The following AMPH variants were observed in gnomAD, a reference collection of about 807,000 sequenced individuals.
The protein encoded by AMPH is amphiphysin (Stiff-Mann syndrome with breast cancer 128kD autoantigen).
In AMPH, 49 loss-of-function variants were observed where a neutral mutation model predicts 99.1. That is an observed-to-expected ratio of 0.49 (90% CI 0.39 to 0.63). The LOEUF (loss-of-function observed/expected upper bound fraction) is 0.63. AMPH is among the 20% of genes least tolerant of loss of function. The pLI, the probability that AMPH is intolerant of heterozygous loss-of-function variation, is 0.00. For missense variants in AMPH, 759 were observed against 863.4 expected (o/e 0.88, Z 1.52); for synonymous variants, 314 against 317.3 (o/e 0.99, Z 0.11).
intron 1 of AMPH, among the ~76,000 whole-genome samples, chr7:38,596,739 C>A (rs886711285): frequency 6.6e-6 from 1 of 152,170 alleles, no homozygotes; most frequent in Non-Finnish European, 1.5e-5. Context: ...ATACCTCTTG[C>A]CCACTCCCAC....
chr7:38,527,819 A>G lies in AMPH; in HGVS notation c.150+7112T>C, dbSNP rs978961236. Among the ~76,000 whole-genome samples the G allele has an allele frequency of 5.9e-5, 9 of 152,260 alleles. No homozygotes were observed. In the East Asian group the frequency reaches 1.7e-3, roughly 29 times the overall value. On this transcript the variant is annotated intron_variant, in intron 2 of 20. Coordinates refer to ENST00000356264, the MANE Select transcript of AMPH (RefSeq NM_001635.4). ...AATGGACATCCTTGCCTTGTTTTCA[A>G]TCTTTGGAGAAAAGCATTCAGTCTG... is the stretch of plus-strand genomic sequence containing the variant.
In AMPH at chr7:38,436,326, C is replaced by T. The variant is rs778297993; in HGVS notation, c.1080G>A (p.Lys360=). The T allele has an allele frequency of 5.1e-5, 83 of 1,614,076 alleles. No individual in the cohort carries two copies. Among genetic ancestry groups the T allele is most frequent in the Non-Finnish European group, 6.9e-5 (82 of 1,180,036 alleles). ...CAGAACCTGCAGGTGTCACCTCGGG[C>T]TTGAAAGGATCAAAGTCCAGATCCA... is the stretch of plus-strand genomic sequence containing the variant. ...TLLDLDFDPF[K]PEVTPAGSAG... Residue 360 remains lysine, a synonymous_variant, in exon 12 of 21, where the codon AAG becomes AAA. Transcript: ENST00000356264.
intron 2 of AMPH, among the ~76,000 whole-genome samples, chr7:38,519,620 C>T (rs1789877133): frequency 6.6e-6 from 1 of 152,126 alleles, no homozygotes; most frequent in African/African-American, 2.4e-5. Flanking sequence ...ATGTAAAATT[C>T]TTAGAAGACT....
At chr7:38,529,215 C>T (rs771978428) in intron 2 of AMPH, among the ~76,000 whole-genome samples, 1 of 152,176 alleles carries the variant, frequency 6.6e-6, no homozygotes, top group Non-Finnish European at 1.5e-5. Context: ...ACAGATAATC[C>T]AGAACATGAC....
intron 13 of AMPH, among the ~76,000 whole-genome samples, chr7:38,431,895 C>T (rs530243014): frequency 1.3e-5 from 2 of 152,224 alleles, no homozygotes; most frequent in South Asian, 2.1e-4. Flanking sequence ...ACTGCAACAG[C>T]TCCTTTTGCC....
intron 17 of AMPH, among the ~76,000 whole-genome samples, chr7:38,396,886 T>A (rs1784686488): frequency 6.6e-6 from 1 of 152,252 alleles, no homozygotes; most frequent in South Asian, 2.1e-4. Context: ...TAATAAAGTT[T>A]CTTCTATGTT....
rs749289574 is a variant in AMPH, at chr7:38,417,918, T to G, written c.1305A>C (p.Pro435=). 1 of 1,614,154 alleles carries G rather than the reference T, an allele frequency of 6.2e-7. No homozygotes were observed. Among genetic ancestry groups the G allele is most frequent in the Non-Finnish European group, 8.5e-7 (1 of 1,179,980 alleles). ...AESEQAPPTE[P]KAEEPLAAVT... ...CAGCAGCCAGAGGCTCCTCTGCTTT[T>G]GGCTCTGTGGGTGGAGCCTGTTCAG... is the stretch of plus-strand genomic sequence containing the variant. The change falls in exon 17 of 21, where the codon CCA becomes CCC. Residue 435 remains proline, a synonymous_variant. Transcript: ENST00000356264.
At chr7:38,605,339 A>G (rs1444956404) in intron 1 of AMPH, among the ~76,000 whole-genome samples, 1 of 152,082 alleles carries the variant, frequency 6.6e-6, no homozygotes, top group African/African-American at 2.4e-5. Flanking sequence ...AAGAGATGAG[A>G]CGGAAAGCAT....
At chr7:38,453,592 T>C (rs185230221) in intron 11 of AMPH, among the ~76,000 whole-genome samples, 59 of 152,288 alleles carry the variant, frequency 3.9e-4, no homozygotes, top group Non-Finnish European at 5.4e-4. Flanking sequence ...CCATCAAGTG[T>C]CCTTACCTAT....
At chr7:38,408,612 G>A (rs752303945) in intron 17 of AMPH, among the ~76,000 whole-genome samples, 9 of 151,904 alleles carry the variant, frequency 5.9e-5, no homozygotes, top group African/African-American at 1.7e-4. Flanking sequence ...ATACAACGGC[G>A]TGGTGGTGGG....
At chr7:38,472,749 C>A (rs111534971) in intron 7 of AMPH, among the ~76,000 whole-genome samples, 9 of 152,260 alleles carry the variant, frequency 5.9e-5, no homozygotes, top group African/African-American at 2.2e-4. Flanking sequence ...GATGTTATTT[C>A]CTAAGTGCCA....
chr7:38,549,813 C>A (rs1237424767), intron 1 of AMPH, among the ~76,000 whole-genome samples: 1 of 152,158 alleles, frequency 6.6e-6, no homozygotes, highest in Non-Finnish European at 1.5e-5. Context: ...TGCATTCTCA[C>A]AAGATAATTA....
intron 1 of AMPH, among the ~76,000 whole-genome samples, chr7:38,598,634 A>C (rs1319566712): frequency 6.6e-6 from 1 of 151,950 alleles, no homozygotes; most frequent in Admixed American, 6.6e-5. Flanking sequence ...CTTTCACCAA[A>C]ATTTTCCAAT....
At chr7:38,463,270 T>C in intron 9 of AMPH, 157 bp from the exon 10 acceptor site, 2 of 896,488 alleles carry the variant, frequency 2.2e-6, no homozygotes, top group Non-Finnish European at 3.6e-6. Context: ...GCAACAGTGA[T>C]GGTGATAACT....
chr7:38,416,726 G>A (rs1294793838), intron 17 of AMPH, among the ~76,000 whole-genome samples: 1 of 152,150 alleles, frequency 6.6e-6, no homozygotes, highest in Non-Finnish European at 1.5e-5. Flanking sequence ...TGTCTGCATG[G>A]ACTTGCTGAA....
intron 2 of AMPH, among the ~76,000 whole-genome samples, chr7:38,510,393 G>A (rs1168614540): frequency 6.6e-6 from 1 of 152,144 alleles, no homozygotes; most frequent in African/African-American, 2.4e-5. Flanking sequence ...TGGGGATTAG[G>A]AATTCAGCTA....
rs17171340 is a variant in AMPH at position 38,434,150 on chromosome 7, T to A, written c.1135-1938A>T. Among the ~76,000 whole-genome samples the A allele has an allele frequency of 2.2e-3, 341 of 152,288 alleles. 6 individuals carry two copies. The East Asian group carries it at 0.06, about 27-fold the overall frequency. On this transcript the variant is annotated intron_variant, in intron 12 of 20. Transcript: ENST00000356264. ...GCCACCAGGAGGCTAGAGGGTTTTA[T>A]TACCTGGCCCTGAGGAAGAGCACAG...
intron 7 of AMPH, 48 bp downstream of exon 7, chr7:38,475,282 CT>C: frequency 2.4e-6 from 3 of 1,225,514 alleles, no homozygotes; most frequent in Non-Finnish European, 3.6e-6. Flanking sequence ...ATTCACTGAT[CT>C]TGAATTTCTA....
chr7:38,598,266 GTTC>G (rs949887129), intron 1 of AMPH, among the ~76,000 whole-genome samples: 6 of 151,888 alleles, frequency 4.0e-5, no homozygotes, highest in Admixed American at 1.3e-4. Context: ...TGTTGTTGTT[GTTC>G]TTTTGTTGTT....
Sources: gnomAD v4.1 joint callset for allele counts (sites outside exome capture counted in the v4.1 genomes callset) on GRCh38, gnomAD v4.1.1 for gene constraint, MANE v1.5 for transcripts, NCBI Gene and HGNC (gene_info 2026-07-23, HGNC 2026-07-21) for gene names.